Variants in SUPT4H1 observed in about 807,000 individuals in gnomAD.
SUPT4H1 encodes transcription elongation factor SPT4.
A neutral mutation model predicts 19.4 loss-of-function variants in SUPT4H1; 12 were observed. The ratio of observed to expected loss-of-function variants is 0.62; its 90% CI spans 0.40 to 1.00. The LOEUF is 1.00. Ranked by LOEUF, SUPT4H1 falls within the 50% of genes least tolerant of loss-of-function variation. The pLI is 0.00. For synonymous variants in SUPT4H1, 58 were observed against 56.3 expected (o/e 1.03, Z -0.14); for missense variants, 115 against 149.2 (o/e 0.77, Z 1.19).
In SUPT4H1 at chr17:58,345,294, G is replaced by A. The variant is rs1972243285; in HGVS notation, c.*952C>T. ...GGTGCAATCATTCTCTTTTTAGAGG[G>A]AGAACAAGGAACTTAGGGAAATCAA... is the stretch of plus-strand genomic sequence containing the variant. On this transcript the variant is annotated 3_prime_UTR_variant, in exon 5 of 5. Transcript: ENST00000225504. The A allele has an allele frequency of 6.6e-6, 1 of 152,136 alleles. No individual in the cohort carries two copies. Among genetic ancestry groups the A allele is most frequent in the African/African-American group, 2.4e-5 (1 of 41,428 alleles). The allele number at this position is 152,136 out of a possible 1,614,324, so 9.4% of individuals were successfully genotyped here.
intron 1 of SUPT4H1, 63 bp downstream of exon 1, chr17:58,352,004 T>C: frequency 6.4e-6 from 10 of 1,565,706 alleles, no homozygotes; most frequent in Non-Finnish European, 8.8e-6. Flanking sequence ...CACAGCCCCA[T>C]TCCGCCCTCT....
At chr17:58,349,685 C>A (rs1462314557) in intron 2 of SUPT4H1, among the ~76,000 whole-genome samples, 4 of 152,182 alleles carry the variant, frequency 2.6e-5, no homozygotes, top group Non-Finnish European at 5.9e-5. Context: ...TATACACATA[C>A]AAGGGAATAT....
At chr17:58,347,644 TGA>T in intron 2 of SUPT4H1, 60 bp from the exon 3 acceptor site, 2 of 1,552,868 alleles carry the variant, frequency 1.3e-6, no homozygotes, top group Non-Finnish European at 1.8e-6. Context: ...AGCTCAATTC[TGA>T]GAGAGGAATC....
intron 2 of SUPT4H1, 140 bp downstream of exon 2, chr17:58,351,251 CAAAAAAAAAAA>C (rs565767343): frequency 8.1e-6 from 3 of 368,730 alleles, no homozygotes; most frequent in East Asian, 8.9e-5. Flanking sequence ...AACCCTGATT[CAAAAAAAAAAA>C]AAAAAAAAAA....
intron 4 of SUPT4H1, among the ~76,000 whole-genome samples, chr17:58,346,821 A>T (rs1218573737): frequency 6.6e-6 from 1 of 151,670 alleles, no homozygotes; most frequent in Non-Finnish European, 1.5e-5. Context: ...GGATACATGT[A>T]GTCATCAAAA....
chr17:58,347,107 G>T, intron 4 of SUPT4H1, 81 bp downstream of exon 4: 1 of 1,373,262 alleles, frequency 7.3e-7, no homozygotes, highest in Non-Finnish European at 1.0e-6. Context: ...CATAGAATGT[G>T]AGAATTGGCA....
At chr17:58,351,255 A>AG in intron 2 of SUPT4H1, 147 bp downstream of exon 2, 1 of 274,024 alleles carries the variant, frequency 3.6e-6, no homozygotes, top group Non-Finnish European at 6.6e-6. Flanking sequence ...CTGATTCAAA[A>AG]AAAAAAAAAA....
In SUPT4H1 at chr17:58,345,363, T is replaced by C. The variant is rs773504744; in HGVS notation, c.*883A>G. The C allele has an allele frequency of 6.6e-6, 1 of 152,070 alleles. No individual in the cohort carries two copies. The highest frequency in any genetic ancestry group is 6.6e-5 in the Admixed American group (1 of 15,256). 9.4% of individuals were successfully genotyped at this position (152,070 alleles called of 1,614,324 possible). A position where few individuals can be genotyped will look rare whatever the true frequency, so the allele number is the denominator to read the frequency against. Reference sequence around the variant, plus strand: ...ATTTCTGTGGAAATTTAAATGAGAATTTGTGGTAAATTTTTTTATCCTAAA... The same window carrying C: ...ATTTCTGTGGAAATTTAAATGAGAACTTGTGGTAAATTTTTTTATCCTAAA... On this transcript the variant is annotated 3_prime_UTR_variant, in exon 5 of 5. Coordinates refer to ENST00000225504, the MANE Select transcript of SUPT4H1 (RefSeq NM_003168.3).
intron 3 of SUPT4H1, 111 bp downstream of exon 3, chr17:58,347,418 G>T (rs964736149): frequency 7.0e-7 from 1 of 1,435,226 alleles, no homozygotes; most frequent in Non-Finnish European, 9.8e-7. Flanking sequence ...CCTACAACCC[G>T]ATCTTTCCCA....
intron 2 of SUPT4H1, 146 bp downstream of exon 2, chr17:58,351,256 A>G (rs1237161082): frequency 9.4e-6 from 4 of 423,722 alleles, no homozygotes; most frequent in Admixed American, 4.2e-5. Context: ...TGATTCAAAA[A>G]AAAAAAAAAA....
chr17:58,350,836 C>CAAAAA (rs35040111), intron 2 of SUPT4H1, among the ~76,000 whole-genome samples: 4 of 81,914 alleles, frequency 4.9e-5, no homozygotes, highest in Non-Finnish European at 6.7e-5. Flanking sequence ...AAAGTCTGTC[C>CAAAAA]AAAAAAAAAA....
chr17:58,347,604 GGA>G lies in SUPT4H1; in HGVS notation c.177-22_177-21del, dbSNP rs1292120324. 1.4e-5 allele frequency: 22 copies of G among 1,613,820 alleles called. No homozygotes were observed. The Admixed American group carries it at 1.7e-4, about 12-fold the overall frequency. The stretch of plus-strand genomic sequence containing the variant: ...ATGATTCTAGGGAGGGAAAAGAAAT[GGA>G]GAGTCAGCCTGAGCCTCCCTGGGCC... On this transcript the variant is annotated intron_variant, in intron 2 of 4. Transcript: ENST00000225504.
chr17:58,351,416 G>C lies in SUPT4H1; in HGVS notation c.162C>G (p.Ser54Arg). Residue 54 changes from serine (S) to arginine (R), a missense_variant, in exon 2 of 5, where the codon AGC (serine) becomes AGG (arginine). Physicochemically the swap from Ser to Arg is moderately radical, Grantham distance 110 (BLOSUM62 -1). Transcript: ENST00000225504. ...GNREMVYDCT[S>R]SSFDGIIAMM... ...AAGCGGCTTACCCATCAAAGGAAGA[G>C]CTAGTGCAGTCATATACCATCTCTC... The C allele has an allele frequency of 1.2e-6, 2 of 1,612,420 alleles. No individual in the cohort carries two copies. Among genetic ancestry groups the C allele is most frequent in the African/African-American group, 1.3e-5 (1 of 74,964 alleles).
chr17:58,349,543 T>C (rs980974480), intron 2 of SUPT4H1, among the ~76,000 whole-genome samples: 15 of 152,244 alleles, frequency 9.9e-5, no homozygotes, highest in Non-Finnish European at 2.2e-4. Context: ...GCATCTGTAC[T>C]GAAAATAATG....
chr17:58,352,066 C>T lies in SUPT4H1; in HGVS notation c.69+1G>A. 1 of 1,614,208 alleles carries T rather than the reference C, an allele frequency of 6.2e-7. No individual in the cohort carries two copies. The highest frequency in any genetic ancestry group is 8.5e-7 in the Non-Finnish European group (1 of 1,180,030). On this transcript the variant is annotated splice_donor_variant, in intron 1 of 4. Transcript: ENST00000225504. LOFTEE classifies it high-confidence loss of function. ...CCTACAACCAGGTCCCCGACTGACA[C>T]CTTGACCAGCGAACACAGCAAACAG...
intron 2 of SUPT4H1, among the ~76,000 whole-genome samples, chr17:58,350,866 T>C (rs1010748255): frequency 8.5e-6 from 1 of 117,400 alleles, no homozygotes; most frequent in South Asian, 2.3e-4. Context: ...AAGCAACAGC[T>C]TTTGGGCAAT....
At chr17:58,347,716 T>C in intron 2 of SUPT4H1, 132 bp from the exon 3 acceptor site, 2 of 836,240 alleles carry the variant, frequency 2.4e-6, no homozygotes, top group Non-Finnish European at 4.0e-6. Flanking sequence ...CTTCTGATGT[T>C]GGGATGAGGC....
rs1972550703 is a variant in SUPT4H1, at chr17:58,352,130, G to A, written c.6C>T (p.Ala2=). Reference sequence around the variant, plus strand: ...GCAGGTCCTTCGGCACCGTCTCCAGGGCCATCTTCGCCGATGGGAAGAACA... The same window carrying A: ...GCAGGTCCTTCGGCACCGTCTCCAGAGCCATCTTCGCCGATGGGAAGAACA... M[A]LETVPKDLRH... Residue 2 remains alanine (A), a synonymous_variant, in exon 1 of 5, where the codon GCC becomes GCT. Coordinates refer to ENST00000225504, the MANE Select transcript of SUPT4H1 (RefSeq NM_003168.3). 2 of 1,614,034 alleles carry A rather than the reference G, an allele frequency of 1.2e-6. No homozygotes were observed. The highest frequency in any genetic ancestry group is 1.1e-5 in the South Asian group (1 of 91,086).
chr17:58,350,495 A>G (rs1972458477), intron 2 of SUPT4H1, among the ~76,000 whole-genome samples: 1 of 139,460 alleles, frequency 7.2e-6, no homozygotes, highest in Non-Finnish European at 1.6e-5. Context: ...TGGGCGACAG[A>G]GCGAGACTCC....
Sources: allele counts gnomAD v4.1 joint callset (sites outside exome capture counted in the v4.1 genomes callset), GRCh38; gene constraint gnomAD v4.1.1; transcripts MANE v1.5; gene names NCBI Gene and HGNC (gene_info 2026-07-23, HGNC 2026-07-21).